FRMD8: variants seen among roughly 807,000 people sequenced by gnomAD.
FRMD8 encodes FERM domain-containing protein 8.
In FRMD8, 37 loss-of-function variants were observed where a neutral mutation model predicts 54.2. That is an observed-to-expected ratio of 0.68 (90% confidence interval 0.53 to 0.90). The LOEUF (loss-of-function observed/expected upper bound fraction) is 0.90, where lower values mean the gene tolerates loss of function less well. FRMD8 is among the 40% of genes least tolerant of loss of function. FRMD8 has a pLI of 0.00. For synonymous variants in FRMD8, 246 were observed against 286.9 expected (o/e 0.86, Z 1.44); for missense variants, 585 against 653.7 (o/e 0.89, Z 1.15).
intron 1 of FRMD8, 82 bp from the exon 2 acceptor site, chr11:65,386,954 AC>A: frequency 8.1e-7 from 1 of 1,230,402 alleles, no homozygotes; most frequent in Non-Finnish European, 1.2e-6. Context: ...GGGATCCCTT[AC>A]CGTACTCACC....
At chr11:65,386,826 T>C (rs1260467533) in intron 1 of FRMD8, 65 bp downstream of exon 1, 2 of 569,952 alleles carry the variant, frequency 3.5e-6, no homozygotes, top group African/African-American at 3.9e-5. Context: ...TTGCCCTGCC[T>C]GGGCATCCAG....
chr11:65,385,557 A>G (rs532924288), upstream of FRMD8, among the ~76,000 whole-genome samples: 1 of 152,064 alleles, frequency 6.6e-6, no homozygotes, highest in South Asian at 2.1e-4. Context: ...CCATGGACTT[A>G]TTTTTCTCCC....
At chr11:65,401,944 T>G (rs1856093608) in intron 9 of FRMD8, among the ~76,000 whole-genome samples, 2 of 151,982 alleles carry the variant, frequency 1.3e-5, no homozygotes, top group Admixed American at 1.3e-4. Flanking sequence ...TGTATAAATT[T>G]AAGCCTCCCA....
At chr11:65,393,932 T>G (rs1295800956) in intron 4 of FRMD8, 109 bp from the exon 5 acceptor site, 2 of 1,213,158 alleles carry the variant, frequency 1.6e-6, no homozygotes, top group Middle Eastern at 2.0e-4. Flanking sequence ...GCCCTCCGGT[T>G]TTCTCAGCCC....
chr11:65,403,739 G>A (rs537633688), intron 9 of FRMD8, among the ~76,000 whole-genome samples: 1 of 152,224 alleles, frequency 6.6e-6, no homozygotes, highest in South Asian at 2.1e-4. Context: ...CCTTTCTGAC[G>A]CTGGCTTGCT....
the FRMD8 span, chr11:65,376,533 C>G: frequency 6.2e-7 from 1 of 1,614,220 alleles, no homozygotes; most frequent in South Asian, 1.1e-5. Context: ...GGATGCTGCT[C>G]ACCATGCAGT....
chr11:65,411,459 A>G lies in FRMD8; in HGVS notation c.*99A>G, dbSNP rs1379501807. On this transcript the variant is annotated 3_prime_UTR_variant, in exon 11 of 11. Transcript: ENST00000317568. ...GGCTGCAACAGTCTCATGGGTCACC[A>G]CGTGGGGAGGGCTGCCTCAGCAGGT... The G allele has an allele frequency of 1.4e-6, 1 of 730,430 alleles. No homozygotes were observed. Among genetic ancestry groups the G allele is most frequent in the Non-Finnish European group, 2.1e-6 (1 of 474,066 alleles). The allele number at this position is 730,430 out of a possible 1,614,324, so 45.2% of individuals were successfully genotyped here. A position where few individuals can be genotyped will look rare whatever the true frequency, so the allele number is the denominator to read the frequency against.
Position 65,413,258 on chromosome 11 carries a change from A to C in FRMD8, c.*1898A>C, listed in dbSNP as rs1215474902. 1 of 152,214 alleles carries C rather than the reference A, an allele frequency of 6.6e-6. No individual in the cohort carries two copies. Among genetic ancestry groups the C allele is most frequent in the Non-Finnish European group, 1.5e-5 (1 of 68,090 alleles). 9.4% of individuals were successfully genotyped at this position (152,214 alleles called of 1,614,324 possible). On this transcript the variant is annotated 3_prime_UTR_variant, in exon 11 of 11. Coordinates refer to ENST00000317568, the MANE Select transcript of FRMD8 (RefSeq NM_031904.5). The stretch of plus-strand genomic sequence containing the variant: ...CGCCTCAACCTCCCAAAGTGCTGGG[A>C]TTATAGGCGTGAGCCACCGCCCCCA...
chr11:65,380,341 G>C, the FRMD8 span: 1 of 1,046,694 alleles, frequency 9.6e-7, no homozygotes, highest in Non-Finnish European at 1.4e-6. Flanking sequence ...AGCTGCCCCT[G>C]CCACCCCCTC....
In FRMD8 at chr11:65,411,324, CGTG is replaced by C. The variant is rs778253890; in HGVS notation, c.1363_1365del (p.Val455del). 3.1e-6 allele frequency: 5 copies of C among 1,606,590 alleles called. No individual in the cohort carries two copies. The South Asian group carries it at 5.6e-5, about 18-fold the overall frequency. On this transcript the variant is annotated inframe_deletion, in exon 11 of 11. Transcript: ENST00000317568. ...TGTCCTTGGGCCAGGGGAGCTACAC[CGTG>C]GTGCAGCCCGGCGACAGCCTGGAGC...
In FRMD8 at chr11:65,400,874, C is replaced by G. The variant is rs376420786; in HGVS notation, c.1071+7C>G. Reference sequence around the variant, plus strand: ...CAAGATCTACTCCAAGCAGGTAGCGCGGGTGGTGCCTGCACACGGGTGGGG... The same window carrying G: ...CAAGATCTACTCCAAGCAGGTAGCGGGGGTGGTGCCTGCACACGGGTGGGG... On this transcript the variant is annotated splice_region_variant and intron_variant, in intron 9 of 10. Coordinates refer to ENST00000317568, the MANE Select transcript of FRMD8 (RefSeq NM_031904.5). The surrounding 1 kb of genome is among the most constrained non-coding windows in gnomAD (Gnocchi z 4.3). 1 of 1,594,096 alleles carries G rather than the reference C, an allele frequency of 6.3e-7. No individual in the cohort carries two copies. The highest frequency in any genetic ancestry group is 8.6e-7 in the Non-Finnish European group (1 of 1,169,000).
chr11:65,379,845 C>T, the FRMD8 span: 2 of 1,613,988 alleles, frequency 1.2e-6, no homozygotes, highest in South Asian at 1.1e-5. Context: ...GGGGAAGGAC[C>T]CCAAAGGAGT....
chr11:65,380,308 TC>T, the FRMD8 span: 6,492 of 1,340,962 alleles, frequency 4.8e-3, 29 homozygotes, highest in South Asian at 0.011. Context: ...GCAGCCACCT[TC>T]CTGCCAAGCT....
intron 10 of FRMD8, among the ~76,000 whole-genome samples, chr11:65,408,209 G>A (rs1856250310): frequency 6.6e-6 from 1 of 151,612 alleles, no homozygotes; most frequent in African/African-American, 2.4e-5. Context: ...CAAGTATCTG[G>A]GATTACAGGC....
At chr11:65,370,476 C>T in the FRMD8 span, among the ~76,000 whole-genome samples, 1 of 150,816 alleles carries the variant, frequency 6.6e-6, no homozygotes, top group Admixed American at 6.6e-5. Context: ...CCGAGGCAGG[C>T]AGATCATGAG....
At chr11:65,379,912 G>A in the FRMD8 span, 2 of 1,614,234 alleles carry the variant, frequency 1.2e-6, no homozygotes, top group South Asian at 2.2e-5. Context: ...CGATGCCCCG[G>A]TAGGTGGTCT....
At chr11:65,405,126 G>A (rs1328299611) in intron 10 of FRMD8, 58 bp downstream of exon 10, 5 of 1,536,330 alleles carry the variant, frequency 3.3e-6, no homozygotes, top group Non-Finnish European at 9.0e-7. Context: ...GCACACACCG[G>A]GGGGAGTTCC....
chr11:65,403,206 G>A (rs1046250872), intron 9 of FRMD8, among the ~76,000 whole-genome samples: 5 of 150,600 alleles, frequency 3.3e-5, no homozygotes, highest in East Asian at 1.9e-4. Flanking sequence ...TTTTTGAGAT[G>A]GAGTCTCACT....
chr11:65,403,322 A>G (rs989034586), intron 9 of FRMD8, among the ~76,000 whole-genome samples: 3 of 152,124 alleles, frequency 2.0e-5, no homozygotes, highest in African/African-American at 7.2e-5. Flanking sequence ...AGCTGGGATT[A>G]CAGGAGCCTG....
Sources: allele counts gnomAD v4.1 joint callset (sites outside exome capture counted in the v4.1 genomes callset), GRCh38; gene constraint gnomAD v4.1.1; non-coding constraint Gnocchi (gnomAD v3.1); transcripts MANE v1.5; gene names NCBI Gene and HGNC (gene_info 2026-07-23, HGNC 2026-07-21).